SARAF: variants seen among roughly 807,000 people sequenced by gnomAD.
SARAF encodes the protein store-operated calcium entry-associated regulatory factor.
Under a neutral mutation model 39.7 loss-of-function variants are expected in SARAF, and 23 were observed. The observed-to-expected ratio is 0.58, with a 90% CI of 0.42 to 0.82. SARAF has a LOEUF of 0.82. Ranked by LOEUF, SARAF falls within the 40% of genes least tolerant of loss-of-function variation. The probability of loss-of-function intolerance (pLI) is 0.00; values close to 1 mark genes in which losing one functional copy is unlikely to be tolerated. For synonymous variants in SARAF, 175 were observed against 168.5 expected, an observed-to-expected ratio of 1.04 and a Z score of -0.30; for missense variants, 384 against 418.5, an observed-to-expected ratio of 0.92 and a Z score of 0.72.
rs201268575 is a variant in SARAF at position 30,074,072 on chromosome 8, A to G, written c.104-17T>C. ...ACATTCTGTCTGAAACAGCAAGAAA[A>G]CAGAGGAACACAAAGTAAGTATCGT... On this transcript the variant is annotated splice_polypyrimidine_tract_variant and intron_variant, in intron 1 of 5. Coordinates refer to ENST00000256255, the MANE Select transcript of SARAF (RefSeq NM_016127.6). 494 of 1,605,188 alleles carry G rather than the reference A, an allele frequency of 3.1e-4. 10 individuals carry two copies. The South Asian group carries it at 3.7e-3, about 12-fold the overall frequency.
rs2117427825 is a variant in SARAF, at chr8:30,069,940, A to G, written c.402T>C (p.Tyr134=). The G allele has an allele frequency of 1.9e-6, 3 of 1,613,984 alleles. No homozygotes were observed. Among genetic ancestry groups the G allele is most frequent in the Non-Finnish European group, 2.5e-6 (3 of 1,180,036 alleles). ...YVLRGSCGLE[Y]NLDYTELGLQ... The stretch of plus-strand genomic sequence containing the variant: ...GGCCAAGTTCTGTATAATCTAAATT[A>G]TACTCCAAGCCACAAGAACCTCTTA... The change falls in exon 3 of 6, where the codon TAT becomes TAC. Residue 134 remains tyrosine (Y), a synonymous_variant. Coordinates refer to ENST00000256255, the MANE Select transcript of SARAF (RefSeq NM_016127.6).
intron 1 of SARAF, among the ~76,000 whole-genome samples, chr8:30,082,041 G>A (rs143834466): frequency 1.3e-5 from 2 of 152,128 alleles, no homozygotes; most frequent in African/African-American, 4.8e-5. Flanking sequence ...CGTCAGATAA[G>A]AGGCAGCGGT....
At chr8:30,083,183 G>T, upstream of SARAF, 1 of 423,844 alleles carries the variant, frequency 2.4e-6, no homozygotes, top group South Asian at 3.4e-5. Context: ...AGCACAGCGC[G>T]GCTTGGGGCG....
At position 30,083,000 on chromosome 8, in the gene SARAF, T is replaced by G; in HGVS notation, c.-51A>C. On this transcript the variant is annotated 5_prime_UTR_variant, in exon 1 of 6. Coordinates refer to ENST00000256255, the MANE Select transcript of SARAF (RefSeq NM_016127.6). ...CTGCCAGACGCCTACGGGCCGAACC[T>G]GGGTGCGGTAGCGCGCGCGACGCTG... 1 of 1,412,688 alleles carries G rather than the reference T, an allele frequency of 7.1e-7. No individual in the cohort carries two copies. The highest frequency in any genetic ancestry group is 9.6e-7 in the Non-Finnish European group (1 of 1,042,830). The allele number at this position is 1,412,688 out of a possible 1,614,324, so 87.5% of individuals were successfully genotyped here.
intron 1 of SARAF, among the ~76,000 whole-genome samples, chr8:30,080,073 T>C (rs948131920): frequency 5.9e-5 from 9 of 152,130 alleles, no homozygotes; most frequent in Admixed American, 6.6e-5. Context: ...GCCAAAAACC[T>C]TGGACTTCTC....
chr8:30,080,974 T>A (rs1242521942), intron 1 of SARAF, among the ~76,000 whole-genome samples: 1 of 152,180 alleles, frequency 6.6e-6, no homozygotes. Flanking sequence ...ACCCTGTCTC[T>A]ACTAAAAATA....
rs1186734834 is a variant in SARAF at position 30,066,856 on chromosome 8, CTTG to C, written c.760_762del (p.Gln254del). On this transcript the variant is annotated inframe_deletion, in exon 4 of 6. Transcript: ENST00000256255. ...AACCCTGGTCCTGAATTTTCATATCCTTGTTGTCCTGTAAAAGCACTGCCAAAA... is the reference window on the plus strand; with the variant it reads ...AACCCTGGTCCTGAATTTTCATATCCTTGTCCTGTAAAAGCACTGCCAAAA... The C allele has an allele frequency of 1.2e-6, 2 of 1,614,060 alleles. No individual in the cohort carries two copies. Among genetic ancestry groups the C allele is most frequent in the Admixed American group, 1.7e-5 (1 of 59,996 alleles).
intron 1 of SARAF, among the ~76,000 whole-genome samples, chr8:30,074,866 A>G (rs575455754): frequency 2.0e-5 from 3 of 152,242 alleles, no homozygotes; most frequent in Admixed American, 2.0e-4. Context: ...TGTATGTTTA[A>G]ATACTTTAGG....
intron 2 of SARAF, among the ~76,000 whole-genome samples, chr8:30,070,569 T>C (rs1051524796): frequency 6.6e-5 from 10 of 152,354 alleles, no homozygotes; most frequent in African/African-American, 2.4e-4. Context: ...CTTCTTATGC[T>C]GGATATTGCG....
intron 3 of SARAF, among the ~76,000 whole-genome samples, chr8:30,067,549 T>A (rs763973434): frequency 6.6e-6 from 1 of 152,156 alleles, no homozygotes; most frequent in South Asian, 2.1e-4. Context: ...CCTAATAGAT[T>A]CCCATCTATG....
chr8:30,079,883 C>T (rs1802059609), intron 1 of SARAF, among the ~76,000 whole-genome samples: 1 of 152,100 alleles, frequency 6.6e-6, no homozygotes, highest in South Asian at 2.1e-4. Context: ...AATTCTAATA[C>T]CCACGCCCCA....
intron 4 of SARAF, among the ~76,000 whole-genome samples, chr8:30,066,374 G>A (rs777505486): frequency 2.0e-5 from 3 of 152,098 alleles, no homozygotes; most frequent in Admixed American, 6.6e-5. Context: ...ATTTGCACTC[G>A]AATAAAATCT....
intron 5 of SARAF, 40 bp downstream of exon 5, chr8:30,065,948 T>A (rs1231974050): frequency 6.2e-7 from 1 of 1,612,386 alleles, no homozygotes; most frequent in Non-Finnish European, 8.5e-7. Context: ...TTTCTGTACT[T>A]TACTCCTAGG....
intron 1 of SARAF, among the ~76,000 whole-genome samples, chr8:30,080,191 C>T (rs1446856653): frequency 6.6e-6 from 1 of 152,220 alleles, no homozygotes; most frequent in Non-Finnish European, 1.5e-5. Flanking sequence ...CTCTCTACTG[C>T]TCCTGCCCTG....
chr8:30,065,842 G>T, intron 5 of SARAF, 146 bp downstream of exon 5: 1 of 868,490 alleles, frequency 1.2e-6, no homozygotes, highest in South Asian at 1.5e-5. Context: ...TTAAAAGTGG[G>T]ATCTCAGTTA....
At chr8:30,077,376 T>C (rs983251221) in intron 1 of SARAF, among the ~76,000 whole-genome samples, 6 of 152,202 alleles carry the variant, frequency 3.9e-5, no homozygotes. Flanking sequence ...GAGAATCACC[T>C]GAGCCTGGGG....
intron 1 of SARAF, among the ~76,000 whole-genome samples, chr8:30,079,352 T>C (rs115612218): frequency 0.011 from 1,740 of 152,198 alleles, 39 homozygotes; most frequent in African/African-American, 0.04. Flanking sequence ...TAATTGACTA[T>C]GCAGCCACAA....
Position 30,063,825 on chromosome 8 carries a change from TA to T in SARAF, c.*62del. On this transcript the variant is annotated 3_prime_UTR_variant, in exon 6 of 6. Coordinates refer to ENST00000256255, the MANE Select transcript of SARAF (RefSeq NM_016127.6). ...TTGTTAACAGGTAGTACTTTTTTTC[TA>T]AAGAGAAAGTGATGAAAAATCCAAA... 1 of 1,438,816 alleles carries T rather than the reference TA, an allele frequency of 7.0e-7. No homozygotes were observed. Among genetic ancestry groups the T allele is most frequent in the Non-Finnish European group, 9.8e-7 (1 of 1,021,174 alleles). 89.1% of individuals were successfully genotyped at this position (1,438,816 alleles called of 1,614,324 possible).
chr8:30,069,952 A>C lies in SARAF; in HGVS notation c.390T>G (p.Cys130Trp), dbSNP rs1456315959. Residue 130 changes from cysteine to tryptophan, a missense_variant, in exon 3 of 6, where the codon TGT becomes TGG. By Grantham distance (215) the Cys-to-Trp change is radical. Transcript: ENST00000256255. ...SEDQYVLRGS[C>W]GLEYNLDYTE... ...TATAATCTAAATTATACTCCAAGCC[A>C]CAAGAACCTCTTAGTACATACTGGT... 1 of 1,614,012 alleles carries C rather than the reference A, an allele frequency of 6.2e-7. No individual in the cohort carries two copies. Among genetic ancestry groups the C allele is most frequent in the Non-Finnish European group, 8.5e-7 (1 of 1,180,028 alleles).
Sources: gnomAD v4.1 joint callset for allele counts (sites outside exome capture counted in the v4.1 genomes callset) on GRCh38, gnomAD v4.1.1 for gene constraint, MANE v1.5 for transcripts, NCBI Gene and HGNC (gene_info 2026-07-23, HGNC 2026-07-21) for gene names.